Variants in ATRNL1 observed in about 807,000 individuals in gnomAD.
ATRNL1 encodes attractin-like protein 1.
ATRNL1 carries 95 observed loss-of-function variants against 182.7 expected under a neutral mutation model. That is an observed-to-expected ratio of 0.52 (90% CI 0.44 to 0.62). The LOEUF is 0.62. ATRNL1 is among the 20% of genes least tolerant of loss of function. The pLI, the probability that ATRNL1 is intolerant of heterozygous loss-of-function variation, is 0.00. For missense variants in ATRNL1, 1,471 were observed against 1,679.5 expected (o/e 0.88, Z 2.17); for synonymous variants, 576 against 568.3 (o/e 1.01, Z -0.19).
intron 8 of ATRNL1, among the ~76,000 whole-genome samples, chr10:115,213,824 C>G (rs1360833635): frequency 1.3e-5 from 2 of 151,962 alleles, no homozygotes; most frequent in East Asian, 3.9e-4. Flanking sequence ...GAGAATGATG[C>G]TGCTGTTGAT....
At chr10:115,205,638 AT>A (rs1175464546) in intron 8 of ATRNL1, among the ~76,000 whole-genome samples, 1 of 151,380 alleles carries the variant, frequency 6.6e-6, no homozygotes. Flanking sequence ...TCTCTTTGTA[AT>A]TTTTAAGTGA....
At chr10:115,604,061 G>A (rs1425827535) in intron 26 of ATRNL1, among the ~76,000 whole-genome samples, 1 of 151,536 alleles carries the variant, frequency 6.6e-6, no homozygotes, top group Non-Finnish European at 1.5e-5. Flanking sequence ...GTCATTTCTG[G>A]GTCTATTGTT....
intron 26 of ATRNL1, among the ~76,000 whole-genome samples, chr10:115,566,996 GGCATGGTAAATGATATACCTGTTTGTCCA>G (rs1854112097): frequency 6.6e-6 from 1 of 152,108 alleles, no homozygotes. Context: ...TTTTGTGGAA[GGCATGGTAAATGATATACCTGTTTGTCCA>G]GCCAGGACAA....
At chr10:115,271,975 G>C (rs995397847) in intron 13 of ATRNL1, among the ~76,000 whole-genome samples, 1 of 152,128 alleles carries the variant, frequency 6.6e-6, no homozygotes, top group African/African-American at 2.4e-5. Flanking sequence ...GTGAGCTCTT[G>C]CTCTGGGTTC....
chr10:115,831,212 G>A (rs1341260661), intron 27 of ATRNL1, among the ~76,000 whole-genome samples: 5 of 151,974 alleles, frequency 3.3e-5, no homozygotes, highest in African/African-American at 7.3e-5. Flanking sequence ...CTTTGCTCCC[G>A]GGAGAGAATG....
At chr10:115,427,072 G>T (rs1845938488) in intron 21 of ATRNL1, among the ~76,000 whole-genome samples, 1 of 152,140 alleles carries the variant, frequency 6.6e-6, no homozygotes, top group Non-Finnish European at 1.5e-5. Context: ...CCAAATGGTT[G>T]TACCATTTTA....
intron 28 of ATRNL1, among the ~76,000 whole-genome samples, chr10:115,856,769 G>A (rs533118142): frequency 3.3e-5 from 5 of 152,248 alleles, no homozygotes; most frequent in South Asian, 2.1e-4. Flanking sequence ...CGGAGCTCAG[G>A]CTGTGATGTT....
intron 8 of ATRNL1, among the ~76,000 whole-genome samples, chr10:115,178,111 G>A (rs1380901330): frequency 6.6e-6 from 1 of 151,542 alleles, no homozygotes; most frequent in East Asian, 1.9e-4. Context: ...TAGAGATGGG[G>A]TTTCGCCATG....
chr10:115,892,801 T>C (rs1333241648), intron 28 of ATRNL1, among the ~76,000 whole-genome samples: 5 of 152,286 alleles, frequency 3.3e-5, no homozygotes, highest in African/African-American at 1.2e-4. Flanking sequence ...ACAAGCCTGC[T>C]TATGCGCCTG....
At chr10:115,327,506 A>C (rs1554933738) in intron 18 of ATRNL1, among the ~76,000 whole-genome samples, 1 of 149,324 alleles carries the variant, frequency 6.7e-6, no homozygotes, top group Non-Finnish European at 1.5e-5. Flanking sequence ...AACTAGTTCA[A>C]CCATTGTGGA....
chr10:115,704,671 C>T (rs962455373), intron 26 of ATRNL1, among the ~76,000 whole-genome samples: 3 of 151,810 alleles, frequency 2.0e-5, no homozygotes, highest in Non-Finnish European at 4.4e-5. Context: ...CACCTAGGTT[C>T]GCCATCCCTA....
intron 19 of ATRNL1, among the ~76,000 whole-genome samples, chr10:115,350,362 A>AAG (rs1856188603): frequency 6.7e-6 from 1 of 149,632 alleles, no homozygotes; most frequent in African/African-American, 2.4e-5. Context: ...AAAAAAAAAA[A>AAG]AAGAATTTCC....
intron 27 of ATRNL1, among the ~76,000 whole-genome samples, chr10:115,827,500 T>G (rs1950463648): frequency 6.6e-6 from 1 of 152,146 alleles, no homozygotes; most frequent in African/African-American, 2.4e-5. Flanking sequence ...TCTAAATCCC[T>G]TTGAGGTCAC....
chr10:115,279,113 A>T (rs1431375030), intron 13 of ATRNL1, among the ~76,000 whole-genome samples: 1 of 151,796 alleles, frequency 6.6e-6, no homozygotes, highest in African/African-American at 2.4e-5. Flanking sequence ...GAGGCAGGAC[A>T]ATGGCATGAA....
At chr10:115,710,636 C>T (rs1165932041) in intron 26 of ATRNL1, among the ~76,000 whole-genome samples, 1 of 151,908 alleles carries the variant, frequency 6.6e-6, no homozygotes, top group Non-Finnish European at 1.5e-5. Context: ...ATGTAGGAGT[C>T]CTGGGAGAGA....
At chr10:115,257,561 A>T (rs555147149) in intron 10 of ATRNL1, among the ~76,000 whole-genome samples, 10 of 152,246 alleles carry the variant, frequency 6.6e-5, no homozygotes, top group Admixed American at 2.0e-4. Flanking sequence ...CAGCACACTG[A>T]TGGATCTTGA....
At chr10:115,156,130 A>C (rs559249598) in intron 5 of ATRNL1, among the ~76,000 whole-genome samples, 1 of 152,146 alleles carries the variant, frequency 6.6e-6, no homozygotes, top group Non-Finnish European at 1.5e-5. Context: ...GGACAGCAAG[A>C]CTGATAACGT....
At chr10:115,748,529 A>G (rs1312593125) in intron 27 of ATRNL1, among the ~76,000 whole-genome samples, 3 of 151,230 alleles carry the variant, frequency 2.0e-5, no homozygotes, top group East Asian at 3.9e-4. Context: ...AGCCCTGGAC[A>G]CTCTTTTGGT....
rs529595775 is a variant in ATRNL1, at chr10:115,947,033, T to A, written c.*2254T>A. On this transcript the variant is annotated 3_prime_UTR_variant, in exon 29 of 29. Coordinates refer to ENST00000355044, the MANE Select transcript of ATRNL1 (RefSeq NM_207303.4). The stretch of plus-strand genomic sequence containing the variant: ...AATTGTAGAGAATTATGAGACACAA[T>A]GTGATGTTTAGTTAAAGTCATGCTA... The A allele has an allele frequency of 3.3e-5, 5 of 152,702 alleles. No individual in the cohort carries two copies. The highest frequency in any genetic ancestry group is 2.1e-4 in the South Asian group (1 of 4,822). 9.5% of individuals were successfully genotyped at this position (152,702 alleles called of 1,614,324 possible). A position where few individuals can be genotyped will look rare whatever the true frequency, so the allele number is the denominator to read the frequency against.
Sources: allele counts gnomAD v4.1 joint callset (sites outside exome capture counted in the v4.1 genomes callset), GRCh38; gene constraint gnomAD v4.1.1; transcripts MANE v1.5; gene names NCBI Gene and HGNC (gene_info 2026-07-23, HGNC 2026-07-21).